The following PSMA1 variants were observed in gnomAD, a reference collection of about 807,000 sequenced individuals.
The protein encoded by PSMA1 is proteasome subunit alpha type-1.
PSMA1 carries 3 observed loss-of-function variants against 38.4 expected under a neutral mutation model. The observed-to-expected ratio is 0.08, with a 90% CI of 0.04 to 0.20. The LOEUF (loss-of-function observed/expected upper bound fraction) is 0.20, where lower values mean the gene tolerates loss of function less well. Ranked by LOEUF, PSMA1 falls within the 10% of genes least tolerant of loss-of-function variation. The pLI, the probability that PSMA1 is intolerant of heterozygous loss-of-function variation, is 1.00. For missense variants in PSMA1, 227 were observed against 325.3 expected (o/e 0.70, Z 2.32); for synonymous variants, 101 against 107.1 (o/e 0.94, Z 0.35).
chr11:14,584,507 GT>G (rs58620375), intron 2 of PSMA1, among the ~76,000 whole-genome samples: 1,390 of 124,748 alleles, frequency 0.011, 13 homozygotes, highest in African/African-American at 0.03. Context: ...TTTGTTTTTT[GT>G]TTTTTTTTTT....
chr11:14,583,848 A>G (rs762067795), intron 2 of PSMA1, among the ~76,000 whole-genome samples: 3 of 152,214 alleles, frequency 2.0e-5, no homozygotes, highest in Non-Finnish European at 4.4e-5. Context: ...ATATCTGCTC[A>G]GTATTTTTCC....
At chr11:14,616,278 G>T (rs1852772831) in intron 1 of PSMA1, among the ~76,000 whole-genome samples, 1 of 141,118 alleles carries the variant, frequency 7.1e-6, no homozygotes. Flanking sequence ...CTGTCACCCA[G>T]GCTGGAGTGC....
At chr11:14,589,389 ATATG>A (rs1393240552) in intron 2 of PSMA1, among the ~76,000 whole-genome samples, 1 of 149,468 alleles carries the variant, frequency 6.7e-6, no homozygotes, top group Admixed American at 6.7e-5. Flanking sequence ...GTGTGTATAT[ATATG>A]TGTGTGTATA....
chr11:14,623,769 G>C (rs1235853718), intron 1 of PSMA1, among the ~76,000 whole-genome samples: 2 of 152,216 alleles, frequency 1.3e-5, no homozygotes, highest in Non-Finnish European at 2.9e-5. Context: ...ATGGGCCCAG[G>C]AGCATGGACC....
At chr11:14,631,213 G>C (rs1026347452) in intron 1 of PSMA1, among the ~76,000 whole-genome samples, 1 of 152,192 alleles carries the variant, frequency 6.6e-6, no homozygotes, top group South Asian at 2.1e-4. Flanking sequence ...GCTAGCTTTT[G>C]AATGAGTTTG....
At chr11:14,522,170 T>C (rs1185254819), upstream of PSMA1, among the ~76,000 whole-genome samples, 1 of 152,226 alleles carries the variant, frequency 6.6e-6, no homozygotes, top group East Asian at 1.9e-4. Context: ...ATTAATACAC[T>C]TAAAAAGTTA....
chr11:14,637,939 G>A (rs1853130620), intron 1 of PSMA1, among the ~76,000 whole-genome samples: 1 of 152,186 alleles, frequency 6.6e-6, no homozygotes, highest in African/African-American at 2.4e-5. Flanking sequence ...ACAGAGTCCT[G>A]TGAAGTCCTG....
intron 2 of PSMA1, among the ~76,000 whole-genome samples, chr11:14,518,618 T>C (rs1243666261): frequency 6.6e-6 from 1 of 152,208 alleles, no homozygotes; most frequent in African/African-American, 2.4e-5. Flanking sequence ...GTAGTCTTCA[T>C]GTTGTACATT....
intron 2 of PSMA1, among the ~76,000 whole-genome samples, chr11:14,591,767 A>G (rs900947500): frequency 6.6e-6 from 1 of 152,126 alleles, no homozygotes; most frequent in Non-Finnish European, 1.5e-5. Flanking sequence ...GCGCCCTGTT[A>G]AAACAGGCCA....
rs533369754 is a variant in PSMA1 at position 14,527,664 on chromosome 11, C to T, written c.22-8623G>A. 2.2e-4 allele frequency among the ~76,000 whole-genome samples: 34 copies of T among 152,280 alleles called. 1 individual carries two copies. The highest frequency in any genetic ancestry group is 8.3e-4 in the South Asian group (4 of 4,818). ...GGAAACTAAAATACCTCTTGGTCTGCGTAGACACTTTCACTGGCTGGGTAG... is the reference window on the plus strand; with the variant it reads ...GGAAACTAAAATACCTCTTGGTCTGTGTAGACACTTTCACTGGCTGGGTAG... On this transcript the variant is annotated intron_variant, in intron 2 of 10. Transcript: ENST00000418988.
At chr11:14,510,804 A>G (rs780220975) in intron 8 of PSMA1, 68 bp downstream of exon 8, 103 of 1,120,392 alleles carry the variant, frequency 9.2e-5, no homozygotes, top group Non-Finnish European at 4.0e-5. Context: ...TATATACTCC[A>G]TTACATTTAT....
chr11:14,574,194 C>G (rs1249214850), intron 2 of PSMA1, among the ~76,000 whole-genome samples: 1 of 152,074 alleles, frequency 6.6e-6, no homozygotes, highest in East Asian at 1.9e-4. Flanking sequence ...TACTAGTAGC[C>G]AAGACAATGG....
At chr11:14,521,981 G>A (rs2134154144), upstream of PSMA1, among the ~76,000 whole-genome samples, 1 of 152,250 alleles carries the variant, frequency 6.6e-6, no homozygotes, top group East Asian at 1.9e-4. Flanking sequence ...AGCACAATGC[G>A]TAGCACATAT....
At chr11:14,599,137 G>A (rs1852545071) in intron 2 of PSMA1, among the ~76,000 whole-genome samples, 2 of 152,174 alleles carry the variant, frequency 1.3e-5, no homozygotes, top group South Asian at 2.1e-4. Flanking sequence ...CCCTTTGTGG[G>A]TAACCCAACC....
rs543906040 is a variant in PSMA1 at position 14,517,683 on chromosome 11, A to T, written c.213T>A (p.Gly71=). The T allele has an allele frequency of 4.7e-5, 75 of 1,609,080 alleles. No individual in the cohort carries two copies. The South Asian group carries it at 7.8e-4, about 17-fold the overall frequency. ...KKILHVDNHI[G]ISIAGLTADA... ...CAGCAGTAAGCCCCGCAATTGAGAT[A>T]CCAATATGGTTGTCAACATGGAGAA... Residue 71 remains glycine (G), a synonymous_variant, in exon 4 of 10, where the codon GGT becomes GGA. Coordinates refer to ENST00000396394, the MANE Select transcript of PSMA1 (RefSeq NM_002786.4).
chr11:14,632,875 A>T (rs1439244988), intron 1 of PSMA1, among the ~76,000 whole-genome samples: 1 of 151,546 alleles, frequency 6.6e-6, no homozygotes, highest in South Asian at 2.1e-4. Flanking sequence ...TTCTCACTTC[A>T]TTTCATTCAT....
intron 2 of PSMA1, among the ~76,000 whole-genome samples, chr11:14,535,318 T>C (rs1851691954): frequency 6.6e-6 from 1 of 152,068 alleles, no homozygotes; most frequent in Non-Finnish European, 1.5e-5. Context: ...ACAAAAGCCA[T>C]GGCACACTTG....
intron 2 of PSMA1, among the ~76,000 whole-genome samples, chr11:14,586,823 C>T (rs1365857260): frequency 3.3e-5 from 5 of 151,850 alleles, no homozygotes; most frequent in East Asian, 1.9e-4. Flanking sequence ...TGCAGTGGCA[C>T]GATCTCGGCT....
intron 2 of PSMA1, among the ~76,000 whole-genome samples, chr11:14,582,924 A>C (rs1225107847): frequency 1.3e-5 from 2 of 152,158 alleles, no homozygotes; most frequent in African/African-American, 4.8e-5. Flanking sequence ...CATCTGGAGA[A>C]CCCTGGGTCT....
Sources: gnomAD v4.1 joint callset for allele counts (sites outside exome capture counted in the v4.1 genomes callset) on GRCh38, gnomAD v4.1.1 for gene constraint, MANE v1.5 for transcripts, NCBI Gene and HGNC (gene_info 2026-07-23, HGNC 2026-07-21) for gene names.